Variants in SCAI observed in about 807,000 individuals in gnomAD.
The protein encoded by SCAI is protein SCAI.
In SCAI, 24 loss-of-function variants were observed where a neutral mutation model predicts 92.2. The observed-to-expected ratio is 0.26, with a 90% CI of 0.19 to 0.37. SCAI has a LOEUF of 0.37. SCAI is among the 10% of genes least tolerant of loss of function. SCAI has a pLI of 1.00. For synonymous variants in SCAI, 261 were observed against 258.6 expected (o/e 1.01, Z -0.09); for missense variants, 450 against 736.2 (o/e 0.61, Z 4.50).
intron 9 of SCAI, among the ~76,000 whole-genome samples, chr9:125,015,487 C>T (rs548192024): frequency 6.6e-6 from 1 of 152,274 alleles, no homozygotes; most frequent in Non-Finnish European, 1.5e-5. Context: ...AATGAGATAC[C>T]ATCTCACACC....
intron 12 of SCAI, among the ~76,000 whole-genome samples, chr9:125,000,935 C>T (rs1832345777): frequency 1.3e-5 from 2 of 152,028 alleles, no homozygotes; most frequent in Admixed American, 6.6e-5. Flanking sequence ...TAATCTCTCT[C>T]AAAGGACCTA....
chr9:125,070,018 G>T (rs574134559), intron 2 of SCAI, among the ~76,000 whole-genome samples: 2 of 152,264 alleles, frequency 1.3e-5, no homozygotes, highest in East Asian at 3.9e-4. Context: ...CTGTAAAAAT[G>T]GAATATTAAT....
At chr9:125,061,962 TGAA>T (rs1225819816) in intron 2 of SCAI, among the ~76,000 whole-genome samples, 2 of 151,934 alleles carry the variant, frequency 1.3e-5, no homozygotes, top group Non-Finnish European at 2.9e-5. Flanking sequence ...CATTATAAAA[TGAA>T]GATATGTATG....
At chr9:125,029,569 T>C (rs1588163032) in intron 4 of SCAI, 75 bp downstream of exon 4, 1 of 751,556 alleles carries the variant, frequency 1.3e-6, no homozygotes, top group South Asian at 2.3e-5. Flanking sequence ...CAAAAAGCAC[T>C]GAAGTAGTGA....
intron 15 of SCAI, chr9:124,975,441 T>C: frequency 2.4e-6 from 1 of 424,970 alleles, no homozygotes; most frequent in Non-Finnish European, 4.8e-6. Flanking sequence ...GCTAAAACAG[T>C]GTTAAGGTTG....
intron 2 of SCAI, among the ~76,000 whole-genome samples, chr9:125,067,764 T>A (rs1833902772): frequency 6.6e-6 from 1 of 152,200 alleles, no homozygotes; most frequent in Non-Finnish European, 1.5e-5. Flanking sequence ...GGGAAACTAA[T>A]ACATAGATAC....
intron 2 of SCAI, among the ~76,000 whole-genome samples, chr9:125,117,043 TG>T (rs1266393971): frequency 6.6e-6 from 1 of 152,212 alleles, no homozygotes; most frequent in Admixed American, 6.5e-5. Flanking sequence ...AATTCTATGC[TG>T]ACTGAATTAA....
intron 2 of SCAI, among the ~76,000 whole-genome samples, chr9:125,068,476 TGACA>T (rs1833914594): frequency 6.6e-6 from 1 of 152,152 alleles, no homozygotes; most frequent in Admixed American, 6.6e-5. Context: ...CCAACCTGAC[TGACA>T]GAGTGAGATC....
At chr9:124,959,164 G>A (rs1046570546) in intron 17 of SCAI, among the ~76,000 whole-genome samples, 1 of 150,664 alleles carries the variant, frequency 6.6e-6, no homozygotes, top group Non-Finnish European at 1.5e-5. Flanking sequence ...GCTAAATGAC[G>A]AGTTAATGGG....
chr9:124,968,943 GGAA>G, intron 17 of SCAI: 2 of 325,566 alleles, frequency 6.1e-6, no homozygotes, highest in South Asian at 4.6e-5. Flanking sequence ...TTTATTTTTT[GGAA>G]AAAAAAAAAA....
chr9:125,106,375 T>C (rs756573728), intron 2 of SCAI, among the ~76,000 whole-genome samples: 1 of 151,356 alleles, frequency 6.6e-6, no homozygotes, highest in Non-Finnish European at 1.5e-5. Context: ...TCCTCAGGGA[T>C]CTAGTTTGAC....
intron 14 of SCAI, among the ~76,000 whole-genome samples, chr9:124,985,140 A>G (rs1831961553): frequency 6.6e-6 from 1 of 152,128 alleles, no homozygotes; most frequent in Admixed American, 6.5e-5. Flanking sequence ...AAAAGGGTAC[A>G]CCCTTTAACC....
At chr9:125,001,944 G>C in intron 12 of SCAI, 21 bp downstream of exon 12, 1 of 1,546,504 alleles carries the variant, frequency 6.5e-7, no homozygotes, top group Non-Finnish European at 8.9e-7. Context: ...GCTCACAACA[G>C]GGAGCATTCC....
In SCAI at chr9:125,037,799, C is replaced by T. The variant is rs1019987007; in HGVS notation, c.231-8060G>A. 2.6e-5 allele frequency among the ~76,000 whole-genome samples: 4 copies of T among 151,992 alleles called. No individual in the cohort carries two copies. The East Asian group carries it at 7.7e-4, about 29-fold the overall frequency. ...GGTCTGGTGGCGAACGCCTATAATC[C>T]CAGCTACTTGGGAGGCTGAGACAGG... On this transcript the variant is annotated intron_variant, in intron 3 of 17. Coordinates refer to ENST00000336505, the MANE Select transcript of SCAI (RefSeq NM_001144877.3).
chr9:124,980,049 CAA>C (rs34760799), intron 14 of SCAI, among the ~76,000 whole-genome samples: 42 of 80,964 alleles, frequency 5.2e-4, no homozygotes, highest in Middle Eastern at 8.2e-3. Flanking sequence ...GACTCCGTCT[CAA>C]AAAAAAAAAA....
At chr9:125,005,109 A>C (rs1005510915) in intron 9 of SCAI, among the ~76,000 whole-genome samples, 3 of 151,336 alleles carry the variant, frequency 2.0e-5, no homozygotes, top group African/African-American at 2.4e-5. Context: ...TTTTATAGTA[A>C]TTTCTTCCAT....
At position 124,949,310 on chromosome 9, in the gene SCAI, G is replaced by C. The variant is rs1035655157; in HGVS notation, c.*3497C>G. On this transcript the variant is annotated 3_prime_UTR_variant, in exon 18 of 18. Transcript: ENST00000336505. The surrounding 1 kb of genome is among the most constrained non-coding windows in gnomAD (Gnocchi z 4.0). ...GGAGGTTGCAGTGAGCTGAGATCCT[G>C]CCACCACACTGCAGCCTGAGTAACA... is the stretch of plus-strand genomic sequence containing the variant. 5 of 152,232 alleles carry C rather than the reference G, an allele frequency of 3.3e-5. No individual in the cohort carries two copies. Among genetic ancestry groups the C allele is most frequent in the Non-Finnish European group, 7.3e-5 (5 of 68,056 alleles). The allele number at this position is 152,232 out of a possible 1,614,324, so 9.4% of individuals were successfully genotyped here. A position where few individuals can be genotyped will look rare whatever the true frequency, so the allele number is the denominator to read the frequency against.
Position 125,028,809 on chromosome 9 carries a change from C to CT in SCAI, c.327-332dup, listed in dbSNP as rs1012865428. 3.7e-4 allele frequency among the ~76,000 whole-genome samples: 56 copies of CT among 151,288 alleles called. 1 individual carries two copies. The highest frequency in any genetic ancestry group is 1.2e-3 in the African/African-American group (51 of 41,318). On this transcript the variant is annotated intron_variant, in intron 4 of 17. Coordinates refer to ENST00000336505, the MANE Select transcript of SCAI (RefSeq NM_001144877.3). ...GACAAGAACATTACTCTTTTTTTTC[C>CT]TTTTTTGAGACAGAGTGTGGCTCTG...
rs1431349572 is a variant in SCAI at position 125,143,375 on chromosome 9, GC to G, written c.53+9del. On this transcript the variant is annotated intron_variant, in intron 1 of 17. Transcript: ENST00000336505. ...CATCCCCAACCCCGGCCTCCACCCA[GC>G]CCCCGCACCTGGGGGCCAGGCGACT... is the stretch of plus-strand genomic sequence containing the variant. The G allele has an allele frequency of 1.2e-5, 15 of 1,278,482 alleles. No homozygotes were observed. Among genetic ancestry groups the G allele is most frequent in the South Asian group, 1.8e-5 (1 of 56,820 alleles). 79.2% of individuals were successfully genotyped at this position (1,278,482 alleles called of 1,614,324 possible). A position where few individuals can be genotyped will look rare whatever the true frequency, so the allele number is the denominator to read the frequency against.
Sources: allele counts gnomAD v4.1 joint callset (sites outside exome capture counted in the v4.1 genomes callset), GRCh38; gene constraint gnomAD v4.1.1; non-coding constraint Gnocchi (gnomAD v3.1); transcripts MANE v1.5; gene names NCBI Gene and HGNC (gene_info 2026-07-23, HGNC 2026-07-21).